The following FSTL5 variants were observed in gnomAD, a reference collection of about 807,000 sequenced individuals.
FSTL5 encodes the protein follistatin like 5.
FSTL5 carries 62 observed loss-of-function variants against 89.1 expected under a neutral mutation model. The observed-to-expected ratio is 0.70, with a 90% CI of 0.57 to 0.86. The LOEUF is 0.86. FSTL5 is among the 40% of genes least tolerant of loss of function. The pLI, the probability that FSTL5 is intolerant of heterozygous loss-of-function variation, is 0.00. For synonymous variants in FSTL5, 383 were observed against 346.2 expected, an observed-to-expected ratio of 1.11 and a Z score of -1.18; for missense variants, 1,057 against 1,001.6, an observed-to-expected ratio of 1.06 and a Z score of -0.75.
At chr4:161,611,262 A>G (rs960510195) in intron 7 of FSTL5, among the ~76,000 whole-genome samples, 2 of 121,694 alleles carry the variant, frequency 1.6e-5, no homozygotes, top group East Asian at 4.5e-4. Flanking sequence ...ATATATATAT[A>G]TATATGTAAC....
At chr4:161,526,370 A>G (rs1338692311) in intron 10 of FSTL5, among the ~76,000 whole-genome samples, 2 of 152,180 alleles carry the variant, frequency 1.3e-5, no homozygotes, top group Non-Finnish European at 2.9e-5. Context: ...TTTCCAAAGG[A>G]TGTATTATTC....
rs1303698489 is a variant in FSTL5 at position 161,920,672 on chromosome 4, T to A, written c.161-20A>T. 5 of 1,306,686 alleles carry A rather than the reference T, an allele frequency of 3.8e-6. No individual in the cohort carries two copies. Among genetic ancestry groups the A allele is most frequent in the Non-Finnish European group, 5.4e-6 (5 of 930,586 alleles). The allele number at this position is 1,306,686 out of a possible 1,614,324, so 80.9% of individuals were successfully genotyped here. A position where few individuals can be genotyped will look rare whatever the true frequency, so the allele number is the denominator to read the frequency against. ...TAAATCCTGAAGAATTAAAAAAAAA[T>A]TGAAAATCGTTTGGTTCATTTGTCC... On this transcript the variant is annotated intron_variant, in intron 3 of 15. Transcript: ENST00000306100.
intron 8 of FSTL5, among the ~76,000 whole-genome samples, chr4:161,579,773 T>C (rs1186785131): frequency 3.6e-5 from 5 of 137,458 alleles, no homozygotes; most frequent in Non-Finnish European, 8.0e-5. Context: ...GAAAAAAAAA[T>C]GGATGTGATC....
intron 3 of FSTL5, among the ~76,000 whole-genome samples, chr4:162,020,438 A>G (rs1737039636): frequency 6.6e-6 from 1 of 152,150 alleles, no homozygotes; most frequent in African/African-American, 2.4e-5. Flanking sequence ...ATTATAAAAT[A>G]TTTAAGTTAG....
intron 5 of FSTL5, among the ~76,000 whole-genome samples, chr4:161,762,595 C>T (rs1740846067): frequency 6.6e-6 from 1 of 151,918 alleles, no homozygotes; most frequent in Non-Finnish European, 1.5e-5. Flanking sequence ...TACCATTTTA[C>T]CTCTTATAAA....
At chr4:162,003,448 C>G (rs1022753246) in intron 3 of FSTL5, among the ~76,000 whole-genome samples, 3 of 151,846 alleles carry the variant, frequency 2.0e-5, no homozygotes. Flanking sequence ...GGTATCTCAA[C>G]AGAGTTTGTA....
At chr4:162,098,949 C>T (rs1730876316) in intron 2 of FSTL5, among the ~76,000 whole-genome samples, 1 of 152,034 alleles carries the variant, frequency 6.6e-6, no homozygotes, top group Non-Finnish European at 1.5e-5. Context: ...GATCATAGAA[C>T]TAAATGCAAA....
At chr4:161,994,802 T>G (rs891807234) in intron 3 of FSTL5, among the ~76,000 whole-genome samples, 1 of 152,200 alleles carries the variant, frequency 6.6e-6, no homozygotes, top group African/African-American at 2.4e-5. Context: ...ATGCACAGTT[T>G]GCAAAAGTTT....
chr4:161,601,256 C>CAAACA (rs768367773), intron 7 of FSTL5, among the ~76,000 whole-genome samples: 3 of 135,352 alleles, frequency 2.2e-5, no homozygotes, highest in Non-Finnish European at 1.6e-5. Context: ...GGTGAGAAAC[C>CAAACA]AAACAAAACA....
chr4:161,479,427 T>G (rs914628519), intron 13 of FSTL5, among the ~76,000 whole-genome samples: 1 of 152,286 alleles, frequency 6.6e-6, no homozygotes, highest in South Asian at 2.1e-4. Context: ...TCAGAGAGTA[T>G]AGTTCTCTAG....
At chr4:161,483,602 G>A (rs541904632) in intron 12 of FSTL5, among the ~76,000 whole-genome samples, 1 of 152,070 alleles carries the variant, frequency 6.6e-6, no homozygotes, top group East Asian at 1.9e-4. Context: ...TCTTTGCTTT[G>A]GTTTATGCTA....
chr4:161,437,143 G>C (rs1732584543), intron 15 of FSTL5, among the ~76,000 whole-genome samples: 2 of 152,170 alleles, frequency 1.3e-5, no homozygotes, highest in South Asian at 4.1e-4. Context: ...AAGGCTAGTG[G>C]AAGAGATATT....
At position 161,900,120 on chromosome 4, in the gene FSTL5, G is replaced by C. The variant is rs575771071; in HGVS notation, c.409+20284C>G. ...GAGGCAGAAGAATGACTTGAACCTG[G>C]GAGGCAGCAGTTGCAGTGAGCCCAA... On this transcript the variant is annotated intron_variant, in intron 4 of 15. Transcript: ENST00000306100. Among the ~76,000 whole-genome samples the C allele has an allele frequency of 3.3e-5, 5 of 152,130 alleles. No individual in the cohort carries two copies. In the South Asian group the frequency reaches 1.0e-3, roughly 32 times the overall value.
At chr4:162,071,314 A>G (rs991216504) in intron 2 of FSTL5, among the ~76,000 whole-genome samples, 4 of 151,764 alleles carry the variant, frequency 2.6e-5, no homozygotes, top group Middle Eastern at 3.2e-3. Flanking sequence ...CATACCATGC[A>G]AATGGAAATC....
At chr4:161,976,606 C>T (rs1323797316) in intron 3 of FSTL5, among the ~76,000 whole-genome samples, 3 of 152,094 alleles carry the variant, frequency 2.0e-5, no homozygotes, top group African/African-American at 7.2e-5. Context: ...CTCAGCCTCT[C>T]GAGTAGCTGG....
chr4:161,944,998 A>C (rs1348705449), intron 3 of FSTL5, among the ~76,000 whole-genome samples: 1 of 152,010 alleles, frequency 6.6e-6, no homozygotes, highest in Non-Finnish European at 1.5e-5. Flanking sequence ...TTAGGATTGC[A>C]TAATCTCAGA....
chr4:161,576,919 A>T (rs943687776), intron 8 of FSTL5, among the ~76,000 whole-genome samples: 1 of 152,212 alleles, frequency 6.6e-6, no homozygotes, highest in South Asian at 2.1e-4. Context: ...AAAACTATCA[A>T]AATTTATGTG....
Position 162,032,549 on chromosome 4 carries a change from C to T in FSTL5, c.160+1076G>A, listed in dbSNP as rs778740341. 37 of 152,094 alleles carry T rather than the reference C, an allele frequency of 2.4e-4. 1 individual carries two copies. The highest frequency in any genetic ancestry group is 1.5e-3 in the Admixed American group (23 of 15,240). The allele number at this position is 152,094 out of a possible 1,614,324, so 9.4% of individuals were successfully genotyped here. A position where few individuals can be genotyped will look rare whatever the true frequency, so the allele number is the denominator to read the frequency against. On this transcript the variant is annotated intron_variant, in intron 3 of 15. Coordinates refer to ENST00000306100, the MANE Select transcript of FSTL5 (RefSeq NM_020116.5). The stretch of plus-strand genomic sequence containing the variant: ...TATATCTAGCAAAATTATTTAAAAA[C>T]GCAAATGCATGTGTTTTTTATTCTT...
At chr4:161,604,043 C>A (rs1052325265) in intron 7 of FSTL5, among the ~76,000 whole-genome samples, 2 of 151,954 alleles carry the variant, frequency 1.3e-5, no homozygotes, top group African/African-American at 4.8e-5. Flanking sequence ...GTCATTATAC[C>A]TTCAAATCAT....
Sources: gnomAD v4.1 joint callset for allele counts (sites outside exome capture counted in the v4.1 genomes callset) on GRCh38, gnomAD v4.1.1 for gene constraint, MANE v1.5 for transcripts, NCBI Gene and HGNC (gene_info 2026-07-23, HGNC 2026-07-21) for gene names.